SCTR: variants seen among roughly 807,000 people sequenced by gnomAD.
SCTR encodes the protein secretin receptor.
SCTR carries 56 observed loss-of-function variants against 60.8 expected under a neutral mutation model. The ratio of observed to expected loss-of-function variants is 0.92; its 90% CI spans 0.74 to 1.15. The LOEUF is 1.15. Among genes scored for constraint, SCTR ranks in the 50% most tolerant of loss-of-function variants. SCTR has a pLI of 0.00. For missense variants in SCTR, 562 were observed against 550.4 expected (o/e 1.02, Z -0.21); for synonymous variants, 202 against 217.0 (o/e 0.93, Z 0.61).
intron 2 of SCTR, among the ~76,000 whole-genome samples, chr2:119,490,103 G>A (rs1343551755): frequency 3.3e-5 from 5 of 152,172 alleles, no homozygotes; most frequent in African/African-American, 1.2e-4. Flanking sequence ...AGTTTCCGGG[G>A]GTAGCAGGAA....
intron 1 of SCTR, among the ~76,000 whole-genome samples, chr2:119,520,178 C>T (rs1406798271): frequency 2.0e-5 from 3 of 152,112 alleles, no homozygotes; most frequent in African/African-American, 7.2e-5. Flanking sequence ...AAAAAAATCC[C>T]CAGTGACCCT....
At chr2:119,465,959 G>A (rs1228148409) in intron 4 of SCTR, 73 bp from the exon 5 acceptor site, 7 of 1,054,722 alleles carry the variant, frequency 6.6e-6, no homozygotes, top group Admixed American at 5.4e-5. Flanking sequence ...CACTGCATCC[G>A]CTTCAGGCAG....
At chr2:119,484,420 C>T (rs561681443) in intron 2 of SCTR, among the ~76,000 whole-genome samples, 13 of 152,232 alleles carry the variant, frequency 8.5e-5, no homozygotes, top group South Asian at 2.1e-4. Flanking sequence ...GGGTTGCCTG[C>T]CCCAGTGCCC....
intron 1 of SCTR, among the ~76,000 whole-genome samples, chr2:119,503,812 T>A (rs1011291620): frequency 6.6e-6 from 1 of 152,174 alleles, no homozygotes; most frequent in South Asian, 2.1e-4. Flanking sequence ...TAATATTGTA[T>A]CAACATAAGC....
At position 119,524,070 on chromosome 2, in the gene SCTR, C is replaced by G. The variant is rs1263955712; in HGVS notation, c.72+85G>C. 3 of 1,047,344 alleles carry G rather than the reference C, an allele frequency of 2.9e-6. No homozygotes were observed. In the African/African-American group the frequency reaches 4.9e-5, roughly 17 times the overall value. 64.9% of individuals were successfully genotyped at this position (1,047,344 alleles called of 1,614,324 possible). ...CATGGGAAGATCTGCTAGTCCCTCT[C>G]CACCTGCATCCTGCCCGAGGCCGGA... On this transcript the variant is annotated intron_variant, in intron 1 of 12. Coordinates refer to ENST00000019103, the MANE Select transcript of SCTR (RefSeq NM_002980.3).
intron 7 of SCTR, among the ~76,000 whole-genome samples, chr2:119,455,746 TAGACTAA>T (rs1344612024): frequency 6.6e-6 from 1 of 152,116 alleles, no homozygotes; most frequent in Non-Finnish European, 1.5e-5. Context: ...TGTACAACAT[TAGACTAA>T]AGGGAGTTTC....
intron 2 of SCTR, among the ~76,000 whole-genome samples, chr2:119,480,535 C>T (rs1203943964): frequency 6.6e-6 from 1 of 152,176 alleles, no homozygotes; most frequent in Non-Finnish European, 1.5e-5. Flanking sequence ...CATAGCCAAA[C>T]CATATCAGTT....
intron 7 of SCTR, among the ~76,000 whole-genome samples, chr2:119,460,578 TTG>T (rs1558845168): frequency 6.6e-6 from 1 of 152,074 alleles, no homozygotes; most frequent in Non-Finnish European, 1.5e-5. Context: ...GTATGTTACG[TTG>T]TGTCTGTGAG....
At chr2:119,518,098 C>T (rs1173908223) in intron 1 of SCTR, among the ~76,000 whole-genome samples, 2 of 152,172 alleles carry the variant, frequency 1.3e-5, no homozygotes. Flanking sequence ...GGAAGAGGGT[C>T]CCCACCAGAG....
chr2:119,501,164 A>C (rs1678536822), intron 1 of SCTR, among the ~76,000 whole-genome samples: 1 of 152,202 alleles, frequency 6.6e-6, no homozygotes. Flanking sequence ...TAATCCCAGC[A>C]CTTTGGGAGG....
intron 1 of SCTR, among the ~76,000 whole-genome samples, chr2:119,499,772 G>A (rs2901781): frequency 0.86 from 130,338 of 152,016 alleles, 55,968 homozygotes; most frequent in African/African-American, 0.9. Context: ...ACAGAGGGGA[G>A]CTTCTTCAAC....
At chr2:119,495,475 T>G (rs759612907) in intron 1 of SCTR, 1 of 152,260 alleles carries the variant, frequency 6.6e-6, no homozygotes, top group African/African-American at 2.4e-5. Flanking sequence ...GGGTCTCACC[T>G]GGTTCTTGCT....
At chr2:119,464,845 C>T (rs748003505) in intron 5 of SCTR, among the ~76,000 whole-genome samples, 1 of 152,128 alleles carries the variant, frequency 6.6e-6, no homozygotes, top group Non-Finnish European at 1.5e-5. Flanking sequence ...GCAACCAGAA[C>T]GGGAGAGGGC....
At chr2:119,491,385 C>T (rs184854100) in intron 2 of SCTR, among the ~76,000 whole-genome samples, 65 of 152,340 alleles carry the variant, frequency 4.3e-4, no homozygotes, top group African/African-American at 1.3e-3. Flanking sequence ...TTGGCTCAAA[C>T]GTCATTTCCT....
chr2:119,455,285 C>T (rs1683331752), intron 7 of SCTR, among the ~76,000 whole-genome samples: 1 of 152,240 alleles, frequency 6.6e-6, no homozygotes, highest in African/African-American at 2.4e-5. Context: ...GGGGGACCCC[C>T]CAACACTTCC....
At chr2:119,472,068 A>C (rs1473334369) in intron 4 of SCTR, among the ~76,000 whole-genome samples, 1 of 152,194 alleles carries the variant, frequency 6.6e-6, no homozygotes, top group Non-Finnish European at 1.5e-5. Flanking sequence ...CTGATTTGTC[A>C]CCGTGATTTT....
rs185048303 is a variant in SCTR, at chr2:119,520,535, C to T, written c.72+3620G>A. On this transcript the variant is annotated intron_variant, in intron 1 of 12. Transcript: ENST00000019103. ...TTGCAGGCCTTTCTAAGGTTCTGCT[C>T]ACTGTGCAGCCACAGGGCTTGTCAG... is the stretch of plus-strand genomic sequence containing the variant. 3.9e-5 allele frequency among the ~76,000 whole-genome samples: 6 copies of T among 152,308 alleles called. No individual in the cohort carries two copies. The East Asian group carries it at 9.6e-4, about 24-fold the overall frequency.
At chr2:119,458,282 G>A (rs943416802) in intron 7 of SCTR, among the ~76,000 whole-genome samples, 2 of 148,580 alleles carry the variant, frequency 1.3e-5, no homozygotes, top group Non-Finnish European at 3.0e-5. Context: ...CTCCAGCCTG[G>A]GTGACAAAGA....
rs34070844 is a variant in SCTR, at chr2:119,508,383, C to CTTTT, written c.73-13839_73-13836dup. Among the ~76,000 whole-genome samples the CTTTT allele has an allele frequency of 2.7e-3, 208 of 77,408 alleles. 1 individual carries two copies. The highest frequency in any genetic ancestry group is 2.9e-3 in the Non-Finnish European group (127 of 43,804). 50.8% of individuals were successfully genotyped at this position (77,408 alleles called of 152,430 possible). ...CTTTCTTTTTCTTCTTCTTCTTCTT[C>CTTTT]TTTTTTTTTTTTTTTTTTTTTTTTT... On this transcript the variant is annotated intron_variant, in intron 1 of 12. Transcript: ENST00000019103.
Sources: allele counts gnomAD v4.1 joint callset (sites outside exome capture counted in the v4.1 genomes callset), GRCh38; gene constraint gnomAD v4.1.1; transcripts MANE v1.5; gene names NCBI Gene and HGNC (gene_info 2026-07-23, HGNC 2026-07-21).